Variants in ZMYND19 observed in about 807,000 individuals in gnomAD.
ZMYND19 encodes zinc finger MYND domain-containing protein 19.
ZMYND19 carries 17 observed loss-of-function variants against 32.0 expected under a neutral mutation model. That is an observed-to-expected ratio of 0.53 (90% CI 0.36 to 0.80). The LOEUF (loss-of-function observed/expected upper bound fraction) is 0.80, where lower values mean the gene tolerates loss of function less well. Ranked by LOEUF, ZMYND19 falls within the 30% of genes least tolerant of loss-of-function variation. The pLI is 0.00. For synonymous variants in ZMYND19, 124 were observed against 113.6 expected (o/e 1.09, Z -0.58); for missense variants, 250 against 293.6 (o/e 0.85, Z 1.09).
chr9:137,588,927 G>A (rs1842238271), intron 1 of ZMYND19: 9 of 563,414 alleles, frequency 1.6e-5, no homozygotes, highest in Non-Finnish European at 2.2e-5. Context: ...CAGGCAGACA[G>A]GTTAAAAGCC....
intron 5 of ZMYND19, 122 bp downstream of exon 5, chr9:137,582,861 G>A: frequency 2.0e-6 from 3 of 1,512,542 alleles, no homozygotes; most frequent in Non-Finnish European, 2.7e-6. Flanking sequence ...TGGTGGAAAA[G>A]CCCAAGAGGT....
chr9:137,588,460 G>GCC (rs999591221), intron 2 of ZMYND19, among the ~76,000 whole-genome samples, 199 bp downstream of exon 2: 1 of 150,526 alleles, frequency 6.6e-6, no homozygotes, highest in African/African-American at 2.4e-5. Context: ...GCCACAGTGG[G>GCC]CTCCAGTGGC....
chr9:137,586,356 G>GGAAGGAATCCTGAGGTGAGCAGA (rs1230645709), intron 4 of ZMYND19, among the ~76,000 whole-genome samples: 1 of 146,418 alleles, frequency 6.8e-6, no homozygotes, highest in African/African-American at 2.5e-5. Flanking sequence ...GAGCAGAGAA[G>GGAAGGAATCCTGAGGTGAGCAGA]GAAGGAATCC....
rs911408705 is a variant in ZMYND19, at chr9:137,588,593, G to A, written c.111+66C>T. ...TCTTGCAGCACAGGGGAGAGAGCTC[G>A]TTCCTCGTGACCCTCCTGGGCACTG... On this transcript the variant is annotated intron_variant, in intron 2 of 5. Transcript: ENST00000298585. 8.5e-5 allele frequency: 134 copies of A among 1,573,308 alleles called. No homozygotes were observed. In the Middle Eastern group the frequency reaches 1.0e-3, roughly 12 times the overall value.
At chr9:137,588,965 G>A (rs1216571995) in intron 1 of ZMYND19, 1 of 509,186 alleles carries the variant, frequency 2.0e-6, no homozygotes, top group African/African-American at 1.9e-5. Flanking sequence ...TGCGCCAGAG[G>A]AGCTGGTATC....
intron 1 of ZMYND19, chr9:137,589,455 C>A (rs1240725705): frequency 1.0e-6 from 1 of 985,370 alleles, no homozygotes; most frequent in African/African-American, 1.7e-5. Flanking sequence ...AAAGCCGCAG[C>A]CGCTGGTGAC....
chr9:137,583,416 A>C (rs1364602907), intron 4 of ZMYND19, among the ~76,000 whole-genome samples: 1 of 152,226 alleles, frequency 6.6e-6, no homozygotes, highest in African/African-American at 2.4e-5. Flanking sequence ...ACAGGCACAC[A>C]GTAGGCAGGA....
rs1055408024 is a variant in ZMYND19, at chr9:137,588,583, G to A, written c.111+76C>T. The A allele has an allele frequency of 3.9e-6, 6 of 1,536,164 alleles. No individual in the cohort carries two copies. In the African/African-American group the frequency reaches 6.8e-5, roughly 17 times the overall value. ...GGCCGCCTGCTCTTGCAGCACAGGGGAGAGAGCTCGTTCCTCGTGACCCTC... is the reference window on the plus strand; with the variant it reads ...GGCCGCCTGCTCTTGCAGCACAGGGAAGAGAGCTCGTTCCTCGTGACCCTC... On this transcript the variant is annotated intron_variant, in intron 2 of 5. Transcript: ENST00000298585.
chr9:137,582,454 T>G lies in ZMYND19; in HGVS notation c.*89A>C. The G allele has an allele frequency of 1.3e-6, 2 of 1,519,510 alleles. No homozygotes were observed. The highest frequency in any genetic ancestry group is 2.3e-5 in the East Asian group (1 of 43,736). 94.1% of individuals were successfully genotyped at this position (1,519,510 alleles called of 1,614,324 possible). ...TGTCCTGGGCCCGCAGCTGGCTTTTTTGGCACCTCCAGGTTCAACCACCAG... is the reference window on the plus strand; with the variant it reads ...TGTCCTGGGCCCGCAGCTGGCTTTTGTGGCACCTCCAGGTTCAACCACCAG... On this transcript the variant is annotated 3_prime_UTR_variant, in exon 6 of 6. Coordinates refer to ENST00000298585, the MANE Select transcript of ZMYND19 (RefSeq NM_138462.3).
chr9:137,588,929 T>A (rs573913328), intron 1 of ZMYND19: 2 of 562,774 alleles, frequency 3.6e-6, no homozygotes, highest in South Asian at 2.2e-5. Context: ...GGCAGACAGG[T>A]TAAAAGCCAG....
chr9:137,586,820 T>C, intron 4 of ZMYND19, 147 bp downstream of exon 4: 1 of 1,121,768 alleles, frequency 8.9e-7, no homozygotes, highest in Non-Finnish European at 1.2e-6. Flanking sequence ...TTCCACGCTT[T>C]GGGGAAAAAC....
chr9:137,588,672 C>T lies in ZMYND19; in HGVS notation c.98G>A (p.Ser33Asn), dbSNP rs1431403849. The stretch of plus-strand genomic sequence containing the variant: ...ATCCTTACTTACCTCAAAGGAGTAG[C>T]TCTCCACCAGCGGGATGTCCTGCTC... ...IDEQDIPLVESYSFEARMEVD... is the reference protein window; with the variant it reads ...IDEQDIPLVENYSFEARMEVD... Residue 33 changes from serine (S) to asparagine (N), a missense_variant, in exon 2 of 6, where the codon AGC becomes AAC. Coordinates refer to ENST00000298585, the MANE Select transcript of ZMYND19 (RefSeq NM_138462.3). 1.9e-6 allele frequency: 3 copies of T among 1,614,206 alleles called. No homozygotes were observed. Among genetic ancestry groups the T allele is most frequent in the South Asian group, 1.1e-5 (1 of 91,084 alleles).
At chr9:137,586,688 A>AG (rs1337140576) in intron 4 of ZMYND19, among the ~76,000 whole-genome samples, 1 of 152,194 alleles carries the variant, frequency 6.6e-6, no homozygotes, top group African/African-American at 2.4e-5. Flanking sequence ...GCCCTGGAGC[A>AG]GGCAGCCCTT....
At chr9:137,589,164 C>T (rs1437277248) in intron 1 of ZMYND19, 2 of 211,370 alleles carry the variant, frequency 9.5e-6, no homozygotes, top group African/African-American at 2.3e-5. Context: ...AGCTTTTTGT[C>T]CATCTGAAAT....
chr9:137,586,326 G>C (rs890676820), intron 4 of ZMYND19, among the ~76,000 whole-genome samples: 4 of 151,522 alleles, frequency 2.6e-5, no homozygotes, highest in African/African-American at 9.7e-5. Flanking sequence ...GGTGAGCAGA[G>C]AAGGAAGGAA....
At chr9:137,588,632 G>A in intron 2 of ZMYND19, 27 bp downstream of exon 2, 3 of 1,613,618 alleles carry the variant, frequency 1.9e-6, no homozygotes, top group South Asian at 1.1e-5. Flanking sequence ...ACGAGCATCA[G>A]GGGAGGGAAC....
chr9:137,589,724 G>A (rs1022532989), intron 1 of ZMYND19: 1 of 985,376 alleles, frequency 1.0e-6, no homozygotes, highest in Non-Finnish European at 1.2e-6. Context: ...CGAGCCTGAA[G>A]CCCTGCTGAG....
intron 4 of ZMYND19, among the ~76,000 whole-genome samples, chr9:137,586,577 G>A (rs564250302): frequency 4.7e-5 from 7 of 150,368 alleles, no homozygotes; most frequent in African/African-American, 1.8e-4. Context: ...ATCCTGAGGT[G>A]AGCAGAGAAG....
rs570946337 is a variant in ZMYND19 at position 137,583,554 on chromosome 9, G to A, written c.360-391C>T. Among the ~76,000 whole-genome samples, 18 of 152,248 alleles carry A rather than the reference G, an allele frequency of 1.2e-4. No homozygotes were observed. In the South Asian group the frequency reaches 2.7e-3, roughly 23 times the overall value. On this transcript the variant is annotated intron_variant, in intron 4 of 5. Transcript: ENST00000298585. ...CCATACCGGGAGCTGCCCTACGTCC[G>A]TCTAAAAACTCCTCCTGCTTGAGTA...
Sources: gnomAD v4.1 joint callset for allele counts (sites outside exome capture counted in the v4.1 genomes callset) on GRCh38, gnomAD v4.1.1 for gene constraint, MANE v1.5 for transcripts, NCBI Gene and HGNC (gene_info 2026-07-23, HGNC 2026-07-21) for gene names.